The following PLXNA4 variants were observed in gnomAD, a reference collection of about 807,000 sequenced individuals.
PLXNA4 encodes plexin A4, also known as plexin-A4.
PLXNA4 carries 44 observed loss-of-function variants against 191.8 expected under a neutral mutation model. The observed-to-expected ratio is 0.23, with a 90% CI of 0.18 to 0.29. The LOEUF (loss-of-function observed/expected upper bound fraction) is 0.29. Among genes scored for constraint, PLXNA4 ranks in the 10% least tolerant of loss-of-function variants. The pLI is 1.00. For synonymous variants in PLXNA4, 1,082 were observed against 1,009.5 expected (o/e 1.07, Z -1.36); for missense variants, 1,800 against 2,488.8 (o/e 0.72, Z 5.89).
At chr7:132,154,270 A>G (rs1795729085) in intron 25 of PLXNA4, among the ~76,000 whole-genome samples, 1 of 152,114 alleles carries the variant, frequency 6.6e-6, no homozygotes, top group African/African-American at 2.4e-5. Context: ...GAGCCCTGAG[A>G]CCTTCAACAC....
chr7:132,126,054 G>GTAT lies in PLXNA4; in HGVS notation c.*4422_*4424dup, dbSNP rs1327333913. 1 of 152,292 alleles carries GTAT rather than the reference G, an allele frequency of 6.6e-6. No individual in the cohort carries two copies. Among genetic ancestry groups the GTAT allele is most frequent in the Non-Finnish European group, 1.5e-5 (1 of 68,122 alleles). 9.4% of individuals were successfully genotyped at this position (152,292 alleles called of 1,614,324 possible). A position where few individuals can be genotyped will look rare whatever the true frequency, so the allele number is the denominator to read the frequency against. ...CAATACTGGCCCTTTGCTCGGTTAAGTATTTGACTTCACATTACTGTGTCC... is the reference window on the plus strand; with the variant it reads ...CAATACTGGCCCTTTGCTCGGTTAAGTATTATTTGACTTCACATTACTGTGTCC... On this transcript the variant is annotated 3_prime_UTR_variant, in exon 32 of 32. Coordinates refer to ENST00000321063, the MANE Select transcript of PLXNA4 (RefSeq NM_020911.2).
intron 1 of PLXNA4, among the ~76,000 whole-genome samples, chr7:132,574,262 C>A (rs1313133530): frequency 6.6e-6 from 1 of 152,206 alleles, no homozygotes; most frequent in South Asian, 2.1e-4. Flanking sequence ...AGGGAAGACA[C>A]AGACATTTCA....
Position 132,182,647 on chromosome 7 carries a change from C to G in PLXNA4, c.3159-457G>C, listed in dbSNP as rs117083224. ...ACATCCTGCAGGGGCTGAGCACAGT[C>G]TGCTCCCCCAGGGCAATCGTTCTAT... On this transcript the variant is annotated intron_variant, in intron 16 of 31. Coordinates refer to ENST00000321063, the MANE Select transcript of PLXNA4 (RefSeq NM_020911.2). Among the ~76,000 whole-genome samples, 94 of 152,348 alleles carry G rather than the reference C, an allele frequency of 6.2e-4. 1 individual carries two copies. In the East Asian group the frequency reaches 0.018, roughly 29 times the overall value.
At chr7:132,174,497 T>A (rs1005649936) in intron 21 of PLXNA4, among the ~76,000 whole-genome samples, 2 of 152,166 alleles carry the variant, frequency 1.3e-5, no homozygotes, top group Admixed American at 1.3e-4. Context: ...GCATATGTAG[T>A]TTTTTCTGGG....
intron 4 of PLXNA4, among the ~76,000 whole-genome samples, chr7:132,297,084 A>G (rs1163964806): frequency 6.6e-6 from 1 of 152,188 alleles, no homozygotes; most frequent in Non-Finnish European, 1.5e-5. Flanking sequence ...CATCTCCCCC[A>G]CAATGCCAAG....
intron 3 of PLXNA4, among the ~76,000 whole-genome samples, chr7:132,305,342 C>G (rs1801471210): frequency 6.7e-6 from 1 of 149,680 alleles, no homozygotes; most frequent in Non-Finnish European, 1.5e-5. Context: ...CTACTCCACA[C>G]TACATGCAGC....
intron 20 of PLXNA4, among the ~76,000 whole-genome samples, chr7:132,175,909 T>C (rs1554379883): frequency 6.6e-6 from 1 of 150,966 alleles, no homozygotes; most frequent in South Asian, 2.1e-4. Flanking sequence ...TTTCTTTCTA[T>C]TTACATAATC....
chr7:132,413,650 C>A (rs1794550735), intron 3 of PLXNA4, among the ~76,000 whole-genome samples: 1 of 152,218 alleles, frequency 6.6e-6, no homozygotes, highest in Non-Finnish European at 1.5e-5. Flanking sequence ...CCTGAAACTG[C>A]TGGTTTATGT....
At chr7:132,247,483 G>A (rs768341211) in intron 4 of PLXNA4, among the ~76,000 whole-genome samples, 5 of 152,180 alleles carry the variant, frequency 3.3e-5, no homozygotes, top group East Asian at 1.9e-4. Context: ...CTGTGCAGAC[G>A]CTGCACTTGG....
chr7:132,562,930 C>CCTCCTCTCCCTCCTCCTCCTCCCCCT (rs1801321309), intron 1 of PLXNA4, among the ~76,000 whole-genome samples: 1 of 7,926 alleles, frequency 1.3e-4, no homozygotes, highest in Non-Finnish European at 2.6e-4. Flanking sequence ...CTCCTCCTCT[C>CCTCCTCTCCCTCCTCCTCCTCCCCCT]CCTCCTCCTC....
intron 6 of PLXNA4, among the ~76,000 whole-genome samples, chr7:132,227,913 G>A (rs1273194692): frequency 2.6e-5 from 4 of 152,172 alleles, no homozygotes; most frequent in African/African-American, 9.7e-5. Context: ...GGCTGATGGA[G>A]CACCTCTTCC....
intron 3 of PLXNA4, among the ~76,000 whole-genome samples, chr7:132,376,737 G>T (rs1244340948): frequency 6.6e-6 from 1 of 152,174 alleles, no homozygotes; most frequent in Non-Finnish European, 1.5e-5. Flanking sequence ...CCTGATGGTG[G>T]CTTTGGCCTG....
chr7:132,151,018 G>T (rs1048262216), intron 25 of PLXNA4, among the ~76,000 whole-genome samples: 2 of 152,180 alleles, frequency 1.3e-5, no homozygotes, highest in Non-Finnish European at 2.9e-5. Flanking sequence ...ATCTCAAAAA[G>T]TCAGGAATGT....
rs572710261 is a variant in PLXNA4 at position 132,125,359 on chromosome 7, G to A, written c.*5120C>T. The A allele has an allele frequency of 6.6e-6, 1 of 152,258 alleles. No homozygotes were observed. Among genetic ancestry groups the A allele is most frequent in the South Asian group, 2.1e-4 (1 of 4,808 alleles). 9.4% of individuals were successfully genotyped at this position (152,258 alleles called of 1,614,324 possible). ...GCACCAGGAATAGCAGCAGCCATGT[G>A]AGATGCCACCCCTAGCATTGTCCTC... On this transcript the variant is annotated 3_prime_UTR_variant, in exon 32 of 32. Transcript: ENST00000321063.
intron 3 of PLXNA4, among the ~76,000 whole-genome samples, chr7:132,364,496 G>T (rs1355916624): frequency 6.6e-6 from 1 of 152,162 alleles, no homozygotes; most frequent in Non-Finnish European, 1.5e-5. Flanking sequence ...GCCCAGCCCA[G>T]GGCATTGTTG....
Position 132,613,314 on chromosome 7 carries a change from T to C in PLXNA4, c.-87+32614A>G, listed in dbSNP as rs187225741. ...CACGCCACCAGCTTCTACTAAAAGGTCACTGCCACCAATTGACCATGAATC... is the reference window on the plus strand; with the variant it reads ...CACGCCACCAGCTTCTACTAAAAGGCCACTGCCACCAATTGACCATGAATC... On this transcript the variant is annotated intron_variant, in intron 2 of 4. Transcript: ENST00000378539. Among the ~76,000 whole-genome samples the C allele has an allele frequency of 2.0e-5, 3 of 152,252 alleles. No homozygotes were observed. The East Asian group carries it at 5.8e-4, about 29-fold the overall frequency.
intron 3 of PLXNA4, among the ~76,000 whole-genome samples, chr7:132,401,962 G>T (rs1363518282): frequency 6.6e-6 from 1 of 152,136 alleles, no homozygotes. Flanking sequence ...GGGTATAAAA[G>T]TAAGCAGTCC....
At chr7:132,360,296 G>T (rs1339331170) in intron 3 of PLXNA4, among the ~76,000 whole-genome samples, 1 of 152,160 alleles carries the variant, frequency 6.6e-6, no homozygotes, top group Non-Finnish European at 1.5e-5. Context: ...TCCACATGAA[G>T]CTGCCATGAG....
chr7:132,227,325 C>T, intron 7 of PLXNA4, 126 bp downstream of exon 7: 1 of 1,313,558 alleles, frequency 7.6e-7, no homozygotes, highest in Non-Finnish European at 1.1e-6. Context: ...CACCCACCAT[C>T]CCATGCCCCT....
Sources: allele counts gnomAD v4.1 joint callset (sites outside exome capture counted in the v4.1 genomes callset), GRCh38; gene constraint gnomAD v4.1.1; transcripts MANE v1.5; gene names NCBI Gene and HGNC (gene_info 2026-07-23, HGNC 2026-07-21).